The following SPOCK1 variants were observed in gnomAD, a reference collection of about 807,000 sequenced individuals.
The protein encoded by SPOCK1 is SPARC (osteonectin), cwcv and kazal like domains proteoglycan 1.
SPOCK1 carries 23 observed loss-of-function variants against 55.3 expected under a neutral mutation model. The observed-to-expected ratio is 0.42, with a 90% confidence interval of 0.30 to 0.59. The LOEUF is 0.59. Among genes scored for constraint, SPOCK1 ranks in the 20% least tolerant of loss-of-function variants. The pLI, the probability that SPOCK1 is intolerant of heterozygous loss-of-function variation, is 0.22. For synonymous variants in SPOCK1, 226 were observed against 221.0 expected, an observed-to-expected ratio of 1.02 and a Z score of -0.20; for missense variants, 499 against 552.5, an observed-to-expected ratio of 0.90 and a Z score of 0.97.
chr5:137,474,893 T>C (rs948580150), intron 2 of SPOCK1, among the ~76,000 whole-genome samples: 2 of 152,210 alleles, frequency 1.3e-5, no homozygotes, highest in African/African-American at 4.8e-5. Flanking sequence ...ATCATCACTT[T>C]GCAATGTAAT....
At position 136,976,743 on chromosome 5, in the gene SPOCK1, T is replaced by C. The variant is rs1373575947; in HGVS notation, c.*1911A>G. The C allele has an allele frequency of 6.6e-6, 1 of 152,282 alleles. No individual in the cohort carries two copies. Among genetic ancestry groups the C allele is most frequent in the Non-Finnish European group, 1.5e-5 (1 of 68,010 alleles). 9.4% of individuals were successfully genotyped at this position (152,282 alleles called of 1,614,324 possible). A position where few individuals can be genotyped will look rare whatever the true frequency, so the allele number is the denominator to read the frequency against. On this transcript the variant is annotated 3_prime_UTR_variant, in exon 11 of 11. Coordinates refer to ENST00000394945, the MANE Select transcript of SPOCK1 (RefSeq NM_004598.4). Reference sequence around the variant, plus strand: ...AGTTTGCCTATGGTCTGTCTTCCTATGGGGAAAGTAAGTACAAAACCTCAG... The same window carrying C: ...AGTTTGCCTATGGTCTGTCTTCCTACGGGGAAAGTAAGTACAAAACCTCAG...
intron 6 of SPOCK1, among the ~76,000 whole-genome samples, chr5:137,023,416 A>T (rs1751610884): frequency 6.6e-6 from 1 of 152,174 alleles, no homozygotes; most frequent in South Asian, 2.1e-4. Flanking sequence ...GGGTACCCCT[A>T]CAGTGACATC....
Position 136,978,738 on chromosome 5 carries a change from C to A in SPOCK1, c.1236G>T (p.Lys412Asn). Residue 412 changes from lysine (K) to asparagine (N), a missense_variant, in exon 11 of 11, where the codon AAG (lysine) becomes AAT (asparagine). Lys to Asn is a moderately conservative substitution (Grantham distance 94). Around this residue, in one of 3 missense-constraint regions of SPOCK1, gnomAD observed 83 missense variants for 87.5 expected, o/e 0.95. Coordinates refer to ENST00000394945, the MANE Select transcript of SPOCK1 (RefSeq NM_004598.4). Reference sequence around the variant, plus strand: ...TCACGGCTCGGGTGTGCACCCTCAGCTTCCCCTCTTTGTCCTTTGGTCCCA... The same window carrying A: ...TCACGGCTCGGGTGTGCACCCTCAGATTCCCCTCTTTGTCCTTTGGTCCCA... The part of the protein sequence containing the change: ...RELGPKDKEG[K>N]LRVHTRAVTE... 1 of 1,614,140 alleles carries A rather than the reference C, an allele frequency of 6.2e-7. No homozygotes were observed. Among genetic ancestry groups the A allele is most frequent in the Non-Finnish European group, 8.5e-7 (1 of 1,180,018 alleles).
At chr5:137,052,536 C>T (rs2126998403) in intron 6 of SPOCK1, among the ~76,000 whole-genome samples, 1 of 152,252 alleles carries the variant, frequency 6.6e-6, no homozygotes, top group South Asian at 2.1e-4. Context: ...TCTAAAAATG[C>T]ATCCTATGAA....
intron 3 of SPOCK1, among the ~76,000 whole-genome samples, chr5:137,214,895 C>T (rs1271760601): frequency 6.6e-6 from 1 of 152,102 alleles, no homozygotes; most frequent in Non-Finnish European, 1.5e-5. Context: ...AAGTCCTACC[C>T]CCAATTTTTT....
chr5:137,201,365 C>A (rs928594004), intron 3 of SPOCK1, among the ~76,000 whole-genome samples: 1 of 152,176 alleles, frequency 6.6e-6, no homozygotes, highest in Non-Finnish European at 1.5e-5. Flanking sequence ...CCCCCAAAGA[C>A]CATTCAGTCA....
At chr5:137,016,141 G>A (rs1418054552) in intron 6 of SPOCK1, among the ~76,000 whole-genome samples, 5 of 152,128 alleles carry the variant, frequency 3.3e-5, no homozygotes, top group Non-Finnish European at 5.9e-5. Flanking sequence ...GCTTTTCATC[G>A]CAAAATCAGA....
intron 2 of SPOCK1, among the ~76,000 whole-genome samples, chr5:137,322,266 G>A (rs1351410362): frequency 1.3e-5 from 2 of 151,522 alleles, no homozygotes; most frequent in Non-Finnish European, 1.5e-5. Context: ...CCAAGAAGTC[G>A]AGGCTGCAGT....
intron 3 of SPOCK1, among the ~76,000 whole-genome samples, chr5:137,177,990 A>G (rs543767347): frequency 6.6e-6 from 1 of 152,318 alleles, no homozygotes; most frequent in African/African-American, 2.4e-5. Flanking sequence ...TGTTGAGAGG[A>G]AAATGTGCCT....
intron 2 of SPOCK1, among the ~76,000 whole-genome samples, chr5:137,396,339 A>G (rs1437880201): frequency 6.6e-6 from 1 of 152,240 alleles, no homozygotes; most frequent in East Asian, 1.9e-4. Flanking sequence ...ACAACTAAGG[A>G]TTTTGGAAAA....
intron 2 of SPOCK1, among the ~76,000 whole-genome samples, chr5:137,335,573 C>G (rs1267048371): frequency 6.6e-6 from 1 of 152,148 alleles, no homozygotes; most frequent in Admixed American, 6.5e-5. Flanking sequence ...AAGTTTGAGA[C>G]GACACTGCTT....
At position 136,978,699 on chromosome 5, in the gene SPOCK1, C is replaced by T. The variant is rs1750666491; in HGVS notation, c.1275G>A (p.Glu425=). Residue 425 remains glutamate (E), a synonymous_variant, in exon 11 of 11, where the codon GAG becomes GAA. Transcript: ENST00000394945. Reference sequence around the variant, plus strand: ...CATCCTCTTTGTCATCATCCTCATCCTCATCATCCTCTGTCACGGCTCGGG... The same window carrying T: ...CATCCTCTTTGTCATCATCCTCATCTTCATCATCCTCTGTCACGGCTCGGG... ...VHTRAVTEDD[E]DEDDDKEDEV... 2 of 1,613,618 alleles carry T rather than the reference C, an allele frequency of 1.2e-6. No individual in the cohort carries two copies. The highest frequency in any genetic ancestry group is 1.3e-5 in the African/African-American group (1 of 74,878).
intron 3 of SPOCK1, among the ~76,000 whole-genome samples, chr5:137,246,168 G>A (rs528316641): frequency 4.6e-5 from 7 of 152,328 alleles, no homozygotes; most frequent in African/African-American, 1.7e-4. Context: ...AGGTTTTAAA[G>A]TGAATCTGAC....
At chr5:137,324,264 G>A (rs1758033601) in intron 2 of SPOCK1, among the ~76,000 whole-genome samples, 1 of 152,180 alleles carries the variant, frequency 6.6e-6, no homozygotes, top group South Asian at 2.1e-4. Flanking sequence ...GGCCAACATA[G>A]TGAAACCCCA....
intron 3 of SPOCK1, among the ~76,000 whole-genome samples, chr5:137,254,159 A>G (rs1362385579): frequency 6.6e-6 from 1 of 152,200 alleles, no homozygotes; most frequent in Non-Finnish European, 1.5e-5. Flanking sequence ...CAACATTTAC[A>G]TGGCTTATAT....
chr5:137,139,783 C>T (rs1754059478), intron 4 of SPOCK1, among the ~76,000 whole-genome samples: 2 of 152,056 alleles, frequency 1.3e-5, no homozygotes, highest in South Asian at 4.2e-4. Context: ...TCATCCCTGC[C>T]CCATCTGACT....
intron 2 of SPOCK1, among the ~76,000 whole-genome samples, chr5:137,463,462 C>G (rs892316653): frequency 2.5e-5 from 3 of 120,330 alleles, no homozygotes; most frequent in Non-Finnish European, 3.2e-5. Flanking sequence ...ATCTAAAAAT[C>G]AAAACCATTG....
chr5:137,065,543 G>A (rs1353148627), intron 6 of SPOCK1, among the ~76,000 whole-genome samples: 10 of 152,176 alleles, frequency 6.6e-5, no homozygotes, highest in Admixed American at 5.9e-4. Flanking sequence ...TCCAAAGGGT[G>A]TTCATAAAAG....
At chr5:137,184,296 C>T (rs1377973560) in intron 3 of SPOCK1, among the ~76,000 whole-genome samples, 1 of 152,124 alleles carries the variant, frequency 6.6e-6, no homozygotes. Flanking sequence ...ACCAATGAGG[C>T]ACAAGCCTGG....
Sources: allele counts gnomAD v4.1 joint callset (sites outside exome capture counted in the v4.1 genomes callset), GRCh38; gene constraint gnomAD v4.1.1; regional missense constraint gnomAD v4.1.1; transcripts MANE v1.5; gene names NCBI Gene and HGNC (gene_info 2026-07-23, HGNC 2026-07-21).